The following HMGXB4 variants were observed in gnomAD, a reference collection of about 807,000 sequenced individuals.
The protein encoded by HMGXB4 is HMG-box containing 4.
Under a neutral mutation model 63.9 loss-of-function variants are expected in HMGXB4, and 27 were observed. That is an observed-to-expected ratio of 0.42 (90% CI 0.31 to 0.58). The LOEUF (loss-of-function observed/expected upper bound fraction) is 0.58. Ranked by LOEUF, HMGXB4 falls within the 20% of genes least tolerant of loss-of-function variation. The probability of loss-of-function intolerance (pLI) is 0.13; values close to 1 mark genes in which losing one functional copy is unlikely to be tolerated. For missense variants in HMGXB4, 624 were observed against 700.7 expected (o/e 0.89, Z 1.24); for synonymous variants, 264 against 265.3 (o/e 0.99, Z 0.05).
At chr22:35,257,054 A>G (rs1343610464), upstream of HMGXB4, among the ~76,000 whole-genome samples, 1 of 152,266 alleles carries the variant, frequency 6.6e-6, no homozygotes, top group Admixed American at 6.5e-5. Flanking sequence ...CTGAAGTCCA[A>G]ATAAGCACAC....
intron 5 of HMGXB4, among the ~76,000 whole-genome samples, chr22:35,271,645 A>G (rs1166132324): frequency 2.6e-5 from 4 of 152,330 alleles, no homozygotes; most frequent in African/African-American, 9.6e-5. Flanking sequence ...ATGAGGCAAT[A>G]CATGCGGAAG....
chr22:35,254,519 A>T (rs1922310279), upstream of HMGXB4, among the ~76,000 whole-genome samples: 1 of 152,222 alleles, frequency 6.6e-6, no homozygotes, highest in Admixed American at 6.5e-5. Flanking sequence ...TGTTTTAAAG[A>T]ACAAGCTGTT....
chr22:35,261,045 A>C (rs1199560330), intron 1 of HMGXB4, among the ~76,000 whole-genome samples: 1 of 152,254 alleles, frequency 6.6e-6, no homozygotes, highest in Non-Finnish European at 1.5e-5. Flanking sequence ...CTTTGTAAGC[A>C]TCTGACTTAA....
intron 9 of HMGXB4, among the ~76,000 whole-genome samples, chr22:35,289,681 A>G (rs1924813329): frequency 6.6e-6 from 1 of 152,196 alleles, no homozygotes; most frequent in African/African-American, 2.4e-5. Context: ...CTCTGCACTT[A>G]AATTATACAG....
At chr22:35,255,454 G>T (rs1028829410), upstream of HMGXB4, among the ~76,000 whole-genome samples, 2 of 152,226 alleles carry the variant, frequency 1.3e-5, no homozygotes, top group African/African-American at 2.4e-5. Flanking sequence ...GGTCGAAGCT[G>T]CAGTGAGCTG....
At chr22:35,269,562 T>C (rs529624758) in intron 5 of HMGXB4, among the ~76,000 whole-genome samples, 7 of 152,284 alleles carry the variant, frequency 4.6e-5, no homozygotes, top group Non-Finnish European at 8.8e-5. Context: ...AACATAGTAC[T>C]GAAAAGGTAG....
At chr22:35,259,918 T>A (rs1449688263) in intron 1 of HMGXB4, among the ~76,000 whole-genome samples, 1 of 152,286 alleles carries the variant, frequency 6.6e-6, no homozygotes, top group Non-Finnish European at 1.5e-5. Flanking sequence ...TTGGTTGGCC[T>A]GTGCCTCTGA....
chr22:35,266,519 A>T (rs1333737222), intron 5 of HMGXB4, among the ~76,000 whole-genome samples: 1 of 152,224 alleles, frequency 6.6e-6, no homozygotes, highest in Non-Finnish European at 1.5e-5. Context: ...TAGGAATGAT[A>T]AATCAGTCAC....
intron 5 of HMGXB4, among the ~76,000 whole-genome samples, chr22:35,268,148 G>A (rs1240062702): frequency 6.6e-5 from 10 of 152,158 alleles, no homozygotes; most frequent in Non-Finnish European, 1.3e-4. Context: ...GATGAGTTTT[G>A]ATAGATGCAC....
At chr22:35,273,916 C>A (rs951906932) in intron 5 of HMGXB4, among the ~76,000 whole-genome samples, 2 of 152,220 alleles carry the variant, frequency 1.3e-5, no homozygotes, top group African/African-American at 4.8e-5. Flanking sequence ...ACTTCACTTA[C>A]AAGGATGTTG....
At chr22:35,280,126 A>C (rs1160034522) in intron 5 of HMGXB4, among the ~76,000 whole-genome samples, 1 of 133,772 alleles carries the variant, frequency 7.5e-6, no homozygotes, top group Non-Finnish European at 1.7e-5. Flanking sequence ...AGAGACCTTA[A>C]GTGCATCTGC....
intron 5 of HMGXB4, among the ~76,000 whole-genome samples, chr22:35,272,846 A>G (rs1390098868): frequency 6.6e-6 from 1 of 152,238 alleles, no homozygotes; most frequent in Non-Finnish European, 1.5e-5. Flanking sequence ...AGGCAGGAGA[A>G]TCGCTTGAAC....
chr22:35,246,321 A>C, the HMGXB4 span, among the ~76,000 whole-genome samples: 9 of 151,454 alleles, frequency 5.9e-5, no homozygotes, highest in Admixed American at 2.0e-4. Context: ...GTCGCCCAGG[A>C]TAGAGTGCAG....
chr22:35,255,289 G>A (rs1295387435), upstream of HMGXB4, among the ~76,000 whole-genome samples: 1 of 152,052 alleles, frequency 6.6e-6, no homozygotes, highest in Non-Finnish European at 1.5e-5. Flanking sequence ...CTTGAGTCCA[G>A]GAGCTTGAGA....
the HMGXB4 span, among the ~76,000 whole-genome samples, chr22:35,245,031 C>T: frequency 6.6e-6 from 1 of 152,238 alleles, no homozygotes; most frequent in East Asian, 1.9e-4. Context: ...CGCCACCACG[C>T]CCGGCTAACT....
At chr22:35,253,132 C>CAAAAAAAAAAAAAAAAAAAAAAAAAAAA (rs554912249), upstream of HMGXB4, among the ~76,000 whole-genome samples, 1 of 96,588 alleles carries the variant, frequency 1.0e-5, no homozygotes, top group Non-Finnish European at 1.9e-5. Flanking sequence ...AACTCCATCT[C>CAAAAAAAAAAAAAAAAAAAAAAAAAAAA]AAAAAAAAAA....
chr22:35,264,488 G>C (rs1923061760), intron 4 of HMGXB4, among the ~76,000 whole-genome samples, 160 bp from the exon 5 acceptor site: 1 of 152,140 alleles, frequency 6.6e-6, no homozygotes, highest in Admixed American at 6.5e-5. Flanking sequence ...AGAAGCACAA[G>C]GGCATCATTT....
Position 35,262,489 on chromosome 22 carries a change from A to G in HMGXB4, c.31+68A>G, listed in dbSNP as rs370059960. On this transcript the variant is annotated intron_variant, in intron 2 of 10. Coordinates refer to ENST00000216106, the MANE Select transcript of HMGXB4 (RefSeq NM_001003681.3). ...TCTTCAATCCTTGCAGCCCATGGAT[A>G]TAGAGACCAGGACTGGGCACCACAG... 7 of 1,473,526 alleles carry G rather than the reference A, an allele frequency of 4.8e-6. 1 individual carries two copies. Among genetic ancestry groups the G allele is most frequent in the South Asian group, 4.5e-5 (4 of 88,134 alleles). The allele number at this position is 1,473,526 out of a possible 1,614,324, so 91.3% of individuals were successfully genotyped here. A position where few individuals can be genotyped will look rare whatever the true frequency, so the allele number is the denominator to read the frequency against.
intron 5 of HMGXB4, among the ~76,000 whole-genome samples, chr22:35,266,264 A>G (rs937633895): frequency 6.6e-6 from 1 of 152,222 alleles, no homozygotes; most frequent in African/African-American, 2.4e-5. Flanking sequence ...CTTTGAGTTC[A>G]TTTTTAAAAA....
Sources: gnomAD v4.1 joint callset for allele counts (sites outside exome capture counted in the v4.1 genomes callset) on GRCh38, gnomAD v4.1.1 for gene constraint, MANE v1.5 for transcripts, NCBI Gene and HGNC (gene_info 2026-07-23, HGNC 2026-07-21) for gene names.